The following FAAH2 variants were observed in gnomAD, a reference collection of about 807,000 sequenced individuals.
The protein encoded by FAAH2 is fatty-acid amide hydrolase 2.
Under a neutral mutation model 36.9 loss-of-function variants are expected in FAAH2, and 60 were observed. That is an observed-to-expected ratio of 1.63 (90% CI 1.32 to 2.02). The LOEUF is 2.02. FAAH2 is among the 30% of genes most tolerant of loss of function. FAAH2 has a pLI of 0.00. For synonymous variants in FAAH2, 214 were observed against 143.8 expected, an observed-to-expected ratio of 1.49 and a Z score of -3.49; for missense variants, 689 against 397.5, an observed-to-expected ratio of 1.73 and a Z score of -6.23.
At chrX:57,311,951 C>G (rs914692237) in intron 3 of FAAH2, among the ~76,000 whole-genome samples, 1 of 112,033 alleles carries the variant, frequency 8.9e-6, no homozygotes, top group African/African-American at 3.2e-5. Flanking sequence ...GCTCCCAACC[C>G]CAGAACACTG....
the FAAH2 span, among the ~76,000 whole-genome samples, chrX:57,253,882 G>A: frequency 9.0e-6 from 1 of 111,578 alleles, no homozygotes; most frequent in Non-Finnish European, 1.9e-5. Context: ...ACACAATAAC[G>A]AGCTAACATC....
the FAAH2 span, among the ~76,000 whole-genome samples, chrX:57,231,885 C>A: frequency 9.0e-6 from 1 of 111,275 alleles, no homozygotes; most frequent in African/African-American, 3.3e-5. Flanking sequence ...CAAAACAAGC[C>A]CCTGGGATCC....
chrX:57,196,546 C>G, the FAAH2 span, among the ~76,000 whole-genome samples: 111 of 111,201 alleles, frequency 1.0e-3, 2 homozygotes, highest in Non-Finnish European at 1.3e-3. Flanking sequence ...ATCTGGATAC[C>G]CTTTATTTCT....
chrX:57,318,924 T>C (rs1483087435), intron 3 of FAAH2, among the ~76,000 whole-genome samples: 2 of 111,671 alleles, frequency 1.8e-5, no homozygotes, highest in African/African-American at 6.5e-5. Context: ...AAAAACCACA[T>C]GATTATCTCA....
chrX:57,195,527 T>A, the FAAH2 span, among the ~76,000 whole-genome samples: 1 of 111,956 alleles, frequency 8.9e-6, no homozygotes, highest in African/African-American at 3.2e-5. Context: ...AGATGCAGTT[T>A]GCAAATATTT....
chrX:57,272,709 G>A, the FAAH2 span, among the ~76,000 whole-genome samples: 1 of 112,246 alleles, frequency 8.9e-6, no homozygotes, highest in Non-Finnish European at 1.9e-5. Context: ...CAAATGCTGA[G>A]GGATTTTGTC....
the FAAH2 span, among the ~76,000 whole-genome samples, chrX:57,245,718 G>A: frequency 8.9e-6 from 1 of 112,425 alleles, no homozygotes; most frequent in African/African-American, 3.2e-5. Flanking sequence ...GTGGGACACA[G>A]CTACAGCCAT....
chrX:57,368,344 A>G (rs1266112214), intron 5 of FAAH2, among the ~76,000 whole-genome samples: 1 of 107,957 alleles, frequency 9.3e-6, no homozygotes, highest in African/African-American at 3.4e-5. Context: ...TGCTTTGCCT[A>G]TGTGGGAGCA....
chrX:57,338,211 T>C (rs937778783), intron 4 of FAAH2, among the ~76,000 whole-genome samples: 2 of 111,021 alleles, frequency 1.8e-5, no homozygotes, highest in Non-Finnish European at 3.8e-5. Context: ...TGTGGGTAGG[T>C]AAAGGAAAAT....
intron 8 of FAAH2, 33 bp downstream of exon 8, chrX:57,432,070 C>A: frequency 8.7e-7 from 1 of 1,143,760 alleles, no homozygotes; most frequent in Non-Finnish European, 1.2e-6. Flanking sequence ...TTACTTTTTT[C>A]TTTGTGTAAA....
intron 3 of FAAH2, among the ~76,000 whole-genome samples, chrX:57,323,800 C>A (rs1355378913): frequency 9.3e-6 from 1 of 107,247 alleles, no homozygotes; most frequent in Non-Finnish European, 1.9e-5. Flanking sequence ...TGCCTGTTCA[C>A]TCTGATGGTA....
intron 7 of FAAH2, among the ~76,000 whole-genome samples, chrX:57,400,894 G>T (rs1009013382): frequency 9.0e-6 from 1 of 111,594 alleles, no homozygotes; most frequent in Non-Finnish European, 1.9e-5. Context: ...AGGCTGAGGC[G>T]GGCAGATCAC....
intron 7 of FAAH2, among the ~76,000 whole-genome samples, chrX:57,391,736 A>G (rs957388932): frequency 7.2e-5 from 8 of 111,240 alleles, no homozygotes; most frequent in Admixed American, 6.7e-4. Flanking sequence ...GTTTTTTAGT[A>G]TATTTTGAAG....
chrX:57,227,466 T>G, the FAAH2 span, among the ~76,000 whole-genome samples: 1 of 111,362 alleles, frequency 9.0e-6, no homozygotes, highest in Non-Finnish European at 1.9e-5. Flanking sequence ...GGGCTGGTAC[T>G]GGGGGTTATC....
At chrX:57,334,167 G>T (rs1403605780) in intron 4 of FAAH2, among the ~76,000 whole-genome samples, 1 of 108,961 alleles carries the variant, frequency 9.2e-6, no homozygotes, top group Non-Finnish European at 1.9e-5. Flanking sequence ...CTACTCAGGA[G>T]TCTGGGGCAA....
chrX:57,221,587 G>A, the FAAH2 span, among the ~76,000 whole-genome samples: 1 of 111,087 alleles, frequency 9.0e-6, no homozygotes, highest in African/African-American at 3.3e-5. Context: ...AAAGCTAGAT[G>A]GAGCTTATCA....
At chrX:57,133,603 G>A in the FAAH2 span, among the ~76,000 whole-genome samples, 15,199 of 111,266 alleles carry the variant, frequency 0.14, 2,144 homozygotes, top group African/African-American at 0.43. Context: ...TAATCCTCAC[G>A]TTTTTGTTTT....
chrX:57,343,849 G>A (rs1337854286), intron 5 of FAAH2, among the ~76,000 whole-genome samples: 4 of 111,211 alleles, frequency 3.6e-5, no homozygotes, highest in Non-Finnish European at 7.6e-5. Flanking sequence ...CAGTTATCCC[G>A]GCGCCATTTA....
the FAAH2 span, among the ~76,000 whole-genome samples, chrX:57,219,647 C>A: frequency 9.9e-5 from 11 of 111,200 alleles, no homozygotes; most frequent in Non-Finnish European, 1.5e-4. Flanking sequence ...AATCCTGTTC[C>A]AGGAACAAAA....
Sources: allele counts gnomAD v4.1 joint callset (sites outside exome capture counted in the v4.1 genomes callset), GRCh38; gene constraint gnomAD v4.1.1; transcripts MANE v1.5; gene names NCBI Gene and HGNC (gene_info 2026-07-23, HGNC 2026-07-21).